The following CSMD1 variants were observed in gnomAD, a reference collection of about 807,000 sequenced individuals.
CSMD1 encodes the protein CUB and Sushi multiple domains 1.
Under a neutral mutation model 417.5 loss-of-function variants are expected in CSMD1, and 213 were observed. The ratio of observed to expected loss-of-function variants is 0.51; its 90% CI spans 0.46 to 0.57. The LOEUF is 0.57. Ranked by LOEUF, CSMD1 falls within the 20% of genes least tolerant of loss-of-function variation. The pLI is 0.00. For synonymous variants in CSMD1, 2,862 were observed against 1,736.8 expected (o/e 1.65, Z -16.11); for missense variants, 6,923 against 4,529.7 (o/e 1.53, Z -15.17).
chr8:3,922,143 T>C (rs1411216729), intron 5 of CSMD1, among the ~76,000 whole-genome samples: 1 of 152,114 alleles, frequency 6.6e-6, no homozygotes, highest in Non-Finnish European at 1.5e-5. Flanking sequence ...CTTTCTTTCA[T>C]GTTTCCGTTT....
intron 3 of CSMD1, among the ~76,000 whole-genome samples, chr8:4,365,580 A>G (rs957028896): frequency 5.3e-5 from 8 of 152,210 alleles, no homozygotes; most frequent in African/African-American, 1.9e-4. Flanking sequence ...GATGATATCA[A>G]GCAGATACTC....
chr8:3,497,281 T>A (rs1359948916), intron 10 of CSMD1, among the ~76,000 whole-genome samples: 1 of 152,352 alleles, frequency 6.6e-6, no homozygotes, highest in South Asian at 2.1e-4. Context: ...TTGGAGTCTA[T>A]CTCTCCCATC....
intron 3 of CSMD1, among the ~76,000 whole-genome samples, chr8:4,217,514 G>T (rs1519168): frequency 8.6e-5 from 13 of 151,936 alleles, no homozygotes; most frequent in Admixed American, 4.6e-4. Flanking sequence ...ATCAAGGGGA[G>T]GGAGAAGGTG....
intron 2 of CSMD1, among the ~76,000 whole-genome samples, chr8:4,573,221 C>T (rs1433869346): frequency 6.6e-6 from 1 of 152,186 alleles, no homozygotes; most frequent in African/African-American, 2.4e-5. Flanking sequence ...GAATTTTCAG[C>T]ATTTTTGTGC....
chr8:4,669,244 C>T (rs1415953874), intron 1 of CSMD1, among the ~76,000 whole-genome samples: 1 of 152,142 alleles, frequency 6.6e-6, no homozygotes, highest in Non-Finnish European at 1.5e-5. Flanking sequence ...GGGGGCTAGA[C>T]ATATTTACTA....
chr8:3,945,916 C>T (rs1393935742), intron 5 of CSMD1, among the ~76,000 whole-genome samples: 1 of 152,140 alleles, frequency 6.6e-6, no homozygotes, highest in Non-Finnish European at 1.5e-5. Flanking sequence ...CAAGACGTGG[C>T]TCCAACTAAG....
intron 2 of CSMD1, among the ~76,000 whole-genome samples, chr8:4,599,440 G>C (rs1052214964): frequency 3.3e-5 from 5 of 150,936 alleles, no homozygotes; most frequent in African/African-American, 1.2e-4. Flanking sequence ...GGAGTAAATT[G>C]TACCTAATTA....
At chr8:3,373,238 TG>T (rs1393881762) in intron 18 of CSMD1, 2 of 152,180 alleles carry the variant, frequency 1.3e-5, no homozygotes, top group Non-Finnish European at 2.9e-5. Context: ...GATCATTTAT[TG>T]GGGAAAAATC....
At chr8:4,437,744 T>G (rs901265257) in intron 2 of CSMD1, among the ~76,000 whole-genome samples, 2 of 152,142 alleles carry the variant, frequency 1.3e-5, no homozygotes, top group African/African-American at 4.8e-5. Context: ...GCCAATGAGT[T>G]CCATGTTTGT....
In CSMD1 at chr8:4,861,014, T is replaced by C. The variant is rs182767447; in HGVS notation, c.85+133318A>G. 6.0e-4 allele frequency among the ~76,000 whole-genome samples: 92 copies of C among 152,268 alleles called. 2 individuals carry two copies. The highest frequency in any genetic ancestry group is 1.1e-3 in the Non-Finnish European group (75 of 68,028). On this transcript the variant is annotated intron_variant, in intron 1 of 69. Coordinates refer to ENST00000635120, the MANE Select transcript of CSMD1 (RefSeq NM_033225.6). ...GTTCTCACTACTATTGTAATACATA[T>C]TCTAGGTGCTTATTTATCTATGTCT...
chr8:4,328,561 A>G (rs1799688974), intron 3 of CSMD1, among the ~76,000 whole-genome samples: 1 of 152,070 alleles, frequency 6.6e-6, no homozygotes, highest in Admixed American at 6.6e-5. Flanking sequence ...CTATGTACCC[A>G]CAACAATTTA....
intron 3 of CSMD1, among the ~76,000 whole-genome samples, chr8:4,377,935 T>C (rs1802859902): frequency 6.6e-6 from 1 of 152,230 alleles, no homozygotes; most frequent in Admixed American, 6.5e-5. Flanking sequence ...ACTTAACAAA[T>C]GGCCCTCATA....
At chr8:3,900,830 T>C (rs1477317788) in intron 5 of CSMD1, among the ~76,000 whole-genome samples, 5 of 152,220 alleles carry the variant, frequency 3.3e-5, no homozygotes, top group Non-Finnish European at 5.9e-5. Context: ...GTTCCAGAGC[T>C]TGCTCTTCTC....
chr8:4,790,160 A>T (rs1379686448), intron 1 of CSMD1, among the ~76,000 whole-genome samples: 1 of 152,212 alleles, frequency 6.6e-6, no homozygotes, highest in Non-Finnish European at 1.5e-5. Flanking sequence ...AAATACATAC[A>T]GTTCAACATA....
intron 3 of CSMD1, among the ~76,000 whole-genome samples, chr8:4,323,124 T>C (rs929122736): frequency 2.1e-4 from 32 of 152,362 alleles, no homozygotes; most frequent in African/African-American, 7.7e-4. Context: ...CATTAATTGG[T>C]GGTTCCAAAG....
chr8:4,768,607 T>C (rs1796442163), intron 1 of CSMD1, among the ~76,000 whole-genome samples: 1 of 152,140 alleles, frequency 6.6e-6, no homozygotes, highest in African/African-American at 2.4e-5. Flanking sequence ...TTGTTCTGTT[T>C]ACCTGGTCTT....
chr8:3,508,224 A>C (rs1444115556), intron 10 of CSMD1, among the ~76,000 whole-genome samples: 1 of 152,030 alleles, frequency 6.6e-6, no homozygotes, highest in African/African-American at 2.4e-5. Flanking sequence ...GGTAGTAGGA[A>C]TTTGAGGCAC....
intron 1 of CSMD1, among the ~76,000 whole-genome samples, chr8:4,767,659 A>C (rs1408961075): frequency 6.6e-6 from 1 of 152,148 alleles, no homozygotes; most frequent in Non-Finnish European, 1.5e-5. Flanking sequence ...TTCTACATTT[A>C]GCTACCCACA....
In CSMD1 at chr8:4,292,688, A is replaced by C. The variant is rs73189961; in HGVS notation, c.415+127265T>G. Among the ~76,000 whole-genome samples the C allele has an allele frequency of 2.0e-5, 3 of 152,084 alleles. No individual in the cohort carries two copies. In the East Asian group the frequency reaches 5.8e-4, roughly 29 times the overall value. On this transcript the variant is annotated intron_variant, in intron 3 of 69. Coordinates refer to ENST00000635120, the MANE Select transcript of CSMD1 (RefSeq NM_033225.6). The stretch of plus-strand genomic sequence containing the variant: ...TACATGAAAATATTCATTAGAAAAA[A>C]TGATTCAGTTTATTTTTTCTATGTT...
Sources: gnomAD v4.1 joint callset for allele counts (sites outside exome capture counted in the v4.1 genomes callset) on GRCh38, gnomAD v4.1.1 for gene constraint, MANE v1.5 for transcripts, NCBI Gene and HGNC (gene_info 2026-07-23, HGNC 2026-07-21) for gene names.